CLNK: variants seen among roughly 807,000 people sequenced by gnomAD.
CLNK encodes the protein cytokine-dependent hematopoietic cell linker.
CLNK carries 74 observed loss-of-function variants against 68.6 expected under a neutral mutation model. The ratio of observed to expected loss-of-function variants is 1.08; its 90% CI spans 0.89 to 1.31. The LOEUF is 1.31. Ranked by LOEUF, CLNK falls within the 50% of genes most tolerant of loss-of-function variation. The pLI is 0.00. For missense variants in CLNK, 553 were observed against 515.3 expected (o/e 1.07, Z -0.71); for synonymous variants, 198 against 172.2 (o/e 1.15, Z -1.17).
At chr4:10,515,091 A>T (rs1033522776) in intron 15 of CLNK, among the ~76,000 whole-genome samples, 3 of 152,046 alleles carry the variant, frequency 2.0e-5, no homozygotes, top group South Asian at 2.1e-4. Flanking sequence ...TACAAAAATT[A>T]TCCGGGCATG....
At chr4:10,711,863 T>C in the CLNK span, among the ~76,000 whole-genome samples, 1 of 152,186 alleles carries the variant, frequency 6.6e-6, no homozygotes, top group Non-Finnish European at 1.5e-5. Context: ...ATCTGCACCA[T>C]AAAAAGAAGG....
chr4:10,585,032 G>A lies in CLNK; in HGVS notation c.84-77C>T, dbSNP rs1379772337. ...ACCCCCCGCCACATAGGAACAGGCA[G>A]TCATCAAACGTCATTGTACAAGTCA... On this transcript the variant is annotated intron_variant, in intron 3 of 18. Transcript: ENST00000226951. 4 of 1,450,808 alleles carry A rather than the reference G, an allele frequency of 2.8e-6. No homozygotes were observed. The East Asian group carries it at 9.3e-5, about 34-fold the overall frequency. 89.9% of individuals were successfully genotyped at this position (1,450,808 alleles called of 1,614,324 possible).
the CLNK span, among the ~76,000 whole-genome samples, chr4:10,730,195 A>T: frequency 7.2e-5 from 11 of 152,250 alleles, no homozygotes; most frequent in Non-Finnish European, 1.6e-4. Flanking sequence ...ATCTGCGGCC[A>T]CCCTGGCTCA....
chr4:10,543,303 G>C (rs113147353), intron 8 of CLNK, among the ~76,000 whole-genome samples: 1 of 152,140 alleles, frequency 6.6e-6, no homozygotes, highest in Non-Finnish European at 1.5e-5. Context: ...CTAAAAATGG[G>C]CGTGGTGTAA....
intron 2 of CLNK, among the ~76,000 whole-genome samples, chr4:10,609,504 G>C (rs966983159): frequency 2.8e-4 from 43 of 152,164 alleles, no homozygotes; most frequent in African/African-American, 1.0e-3. Context: ...TCATTTGCAT[G>C]CATAACTTCT....
intron 8 of CLNK, among the ~76,000 whole-genome samples, chr4:10,542,834 A>C (rs1383976187): frequency 1.3e-5 from 2 of 152,032 alleles, no homozygotes; most frequent in East Asian, 3.9e-4. Context: ...GAAAAAAAAA[A>C]CTAAGGACAA....
intron 1 of CLNK, among the ~76,000 whole-genome samples, chr4:10,669,892 A>G (rs978460302): frequency 5.3e-5 from 8 of 152,130 alleles, no homozygotes; most frequent in African/African-American, 1.9e-4. Context: ...TTTGGAAGTC[A>G]TTTCCATCAT....
chr4:10,565,994 AC>A lies in CLNK; in HGVS notation c.292+14del, dbSNP rs1720093066. ...ACATGCATCTTCTTATTTCAGGCAGACCCCCAAACGTTACCTGCATATTCAG... is the reference window on the plus strand; with the variant it reads ...ACATGCATCTTCTTATTTCAGGCAGACCCCAAACGTTACCTGCATATTCAG... On this transcript the variant is annotated intron_variant, in intron 6 of 18. Transcript: ENST00000226951. 2 of 1,611,990 alleles carry A rather than the reference AC, an allele frequency of 1.2e-6. No homozygotes were observed. Among genetic ancestry groups the A allele is most frequent in the Non-Finnish European group, 1.7e-6 (2 of 1,178,854 alleles).
Position 10,576,781 on chromosome 4 carries a change from A to G in CLNK, c.113-5003T>C, listed in dbSNP as rs16870139. ...TTTTTCCTCCAGCTCCTCTGGTGAC[A>G]TTTATTCACCTTGAAGTTTTAGAAC... On this transcript the variant is annotated intron_variant, in intron 4 of 18. Coordinates refer to ENST00000226951, the MANE Select transcript of CLNK (RefSeq NM_052964.4). 8.4e-3 allele frequency among the ~76,000 whole-genome samples: 1,275 copies of G among 152,374 alleles called. 25 individuals carry two copies. Among genetic ancestry groups the G allele is most frequent in the African/African-American group, 0.03 (1,232 of 41,586 alleles).
chr4:10,678,785 A>G (rs191698009), intron 1 of CLNK, among the ~76,000 whole-genome samples: 1,902 of 152,302 alleles, frequency 0.012, 24 homozygotes, highest in South Asian at 0.046. Flanking sequence ...AATTGCCTCA[A>G]AGAAAATAAA....
rs1393686752 is a variant in CLNK, at chr4:10,513,609, A to G, written c.773-12T>C. On this transcript the variant is annotated splice_polypyrimidine_tract_variant and intron_variant, in intron 15 of 18. Transcript: ENST00000226951. ...GCCTCCTCTATGATCTGGAAAGGTT[A>G]AATTCACATTTCAGTGTGATTTTGT... is the stretch of plus-strand genomic sequence containing the variant. 41 of 1,585,824 alleles carry G rather than the reference A, an allele frequency of 2.6e-5. No individual in the cohort carries two copies. Among genetic ancestry groups the G allele is most frequent in the Non-Finnish European group, 3.5e-5 (41 of 1,166,266 alleles).
At chr4:10,597,931 A>G in intron 3 of CLNK, 47 bp downstream of exon 3, 1 of 1,292,736 alleles carries the variant, frequency 7.7e-7, no homozygotes, top group Non-Finnish European at 1.1e-6. Context: ...TTTGCTACAG[A>G]ATTAAAATTT....
chr4:10,532,287 C>G lies in CLNK; in HGVS notation c.603-4G>C. 6.2e-7 allele frequency: 1 copy of G among 1,608,018 alleles called. No homozygotes were observed. The highest frequency in any genetic ancestry group is 1.1e-5 in the South Asian group (1 of 90,482). ...TAAGTCCCTTAAGCTTATCTGACTG[C>G]AAGAAAAAGAAATACGGTGTTACAT... is the stretch of plus-strand genomic sequence containing the variant. On this transcript the variant is annotated splice_polypyrimidine_tract_variant and splice_region_variant and intron_variant, in intron 11 of 18. Transcript: ENST00000226951.
In CLNK at chr4:10,637,186, T is replaced by A. The variant is rs551171921; in HGVS notation, c.11+30673A>T. ...TTGAAGACCCATGTACTTTCCCACA[T>A]TTCCCAGCCTCAGGCAAGGCCATGC... On this transcript the variant is annotated intron_variant, in intron 2 of 18. Transcript: ENST00000226951. Among the ~76,000 whole-genome samples, 180 of 152,338 alleles carry A rather than the reference T, an allele frequency of 1.2e-3. 1 individual carries two copies. The highest frequency in any genetic ancestry group is 1.9e-3 in the Non-Finnish European group (130 of 68,026).
At chr4:10,497,557 C>A (rs1716863856) in intron 18 of CLNK, among the ~76,000 whole-genome samples, 1 of 152,176 alleles carries the variant, frequency 6.6e-6, no homozygotes, top group African/African-American at 2.4e-5. Flanking sequence ...CTATGGCCTG[C>A]CATAGGAGAT....
chr4:10,652,218 T>A (rs529819906), intron 2 of CLNK, among the ~76,000 whole-genome samples: 8 of 151,456 alleles, frequency 5.3e-5, no homozygotes, highest in African/African-American at 1.7e-4. Flanking sequence ...CTGTCTCTAC[T>A]AAAAAATACA....
chr4:10,552,735 A>T (rs1377151986), intron 8 of CLNK, among the ~76,000 whole-genome samples: 1 of 152,134 alleles, frequency 6.6e-6, no homozygotes, highest in Admixed American at 6.5e-5. Flanking sequence ...CGATTTGTGT[A>T]TGAACATCTC....
At chr4:10,701,347 G>A in the CLNK span, among the ~76,000 whole-genome samples, 1 of 152,290 alleles carries the variant, frequency 6.6e-6, no homozygotes, top group South Asian at 2.1e-4. Flanking sequence ...TGAAACATAT[G>A]TGTCCTGACC....
intron 11 of CLNK, among the ~76,000 whole-genome samples, chr4:10,536,569 G>T (rs1245875421): frequency 6.6e-6 from 1 of 152,136 alleles, no homozygotes; most frequent in Non-Finnish European, 1.5e-5. Context: ...TAACTTCTCT[G>T]AAGCGTGGTG....
Sources: allele counts gnomAD v4.1 joint callset (sites outside exome capture counted in the v4.1 genomes callset), GRCh38; gene constraint gnomAD v4.1.1; transcripts MANE v1.5; gene names NCBI Gene and HGNC (gene_info 2026-07-23, HGNC 2026-07-21).